Variants in ZNF609 observed in about 807,000 individuals in gnomAD.
ZNF609 encodes zinc finger protein 609.
ZNF609 carries 11 observed loss-of-function variants against 109.5 expected under a neutral mutation model. The observed-to-expected ratio is 0.10, with a 90% CI of 0.06 to 0.17. The LOEUF is 0.17. Ranked by LOEUF, ZNF609 falls within the 10% of genes least tolerant of loss-of-function variation. The pLI is 1.00. For synonymous variants in ZNF609, 646 were observed against 662.0 expected (o/e 0.98, Z 0.37); for missense variants, 1,559 against 1,772.4 (o/e 0.88, Z 2.16).
intron 3 of ZNF609, among the ~76,000 whole-genome samples, chr15:64,634,646 C>T (rs1236095553): frequency 1.3e-5 from 2 of 152,130 alleles, no homozygotes; most frequent in Non-Finnish European, 1.5e-5. Flanking sequence ...CAGTCTTGCC[C>T]CAGGCAGTAC....
chr15:64,564,524 A>G (rs927012940), intron 2 of ZNF609, among the ~76,000 whole-genome samples: 5 of 152,164 alleles, frequency 3.3e-5, no homozygotes, highest in African/African-American at 1.2e-4. Flanking sequence ...ACTTTATACA[A>G]CACTTGAAGT....
At chr15:64,655,649 A>G (rs1050008394) in intron 3 of ZNF609, among the ~76,000 whole-genome samples, 1 of 151,932 alleles carries the variant, frequency 6.6e-6, no homozygotes, top group African/African-American at 2.4e-5. Context: ...CAACATGGTG[A>G]AACCTCATCT....
intron 2 of ZNF609, among the ~76,000 whole-genome samples, chr15:64,544,478 T>C (rs1257240733): frequency 1.3e-5 from 2 of 152,258 alleles, no homozygotes; most frequent in East Asian, 3.8e-4. Flanking sequence ...AAGTTTTTGC[T>C]AAGCAGATTT....
At chr15:64,488,173 GA>G (rs1893358550) in intron 1 of ZNF609, among the ~76,000 whole-genome samples, 2 of 152,242 alleles carry the variant, frequency 1.3e-5, no homozygotes, top group Non-Finnish European at 2.9e-5. Flanking sequence ...GATTCTTAAT[GA>G]ATCTGAATTC....
Position 64,682,675 on chromosome 15 carries a change from A to AGGT in ZNF609, c.*990_*992dup, listed in dbSNP as rs893206167. On this transcript the variant is annotated 3_prime_UTR_variant, in exon 10 of 10. Transcript: ENST00000326648. ...AGCTTGGGGAACCTTGGAGTCTGCC[A>AGGT]GGTCACCTTAGGGCAAGGCCCAGAA... 42 of 152,722 alleles carry AGGT rather than the reference A, an allele frequency of 2.8e-4. No homozygotes were observed. Among genetic ancestry groups the AGGT allele is most frequent in the African/African-American group, 8.4e-4 (35 of 41,582 alleles). The allele number at this position is 152,722 out of a possible 1,614,324, so 9.5% of individuals were successfully genotyped here.
At chr15:64,658,452 C>T (rs902742079) in intron 3 of ZNF609, among the ~76,000 whole-genome samples, 1 of 152,138 alleles carries the variant, frequency 6.6e-6, no homozygotes, top group Non-Finnish European at 1.5e-5. Context: ...CCTCCTCAGC[C>T]TCCCAAAGTG....
chr15:64,680,548 C>A, intron 7 of ZNF609, 98 bp from the exon 8 acceptor site: 1 of 1,301,102 alleles, frequency 7.7e-7, no homozygotes, highest in South Asian at 1.4e-5. Flanking sequence ...AGGTGGCACC[C>A]TGGGCATCTC....
rs553709335 is a variant in ZNF609, at chr15:64,681,373, C to T, written c.4227C>T (p.Pro1409=). The change falls in exon 9 of 10, where the codon CCC becomes CCT. Residue 1409 remains proline, a synonymous_variant. Coordinates refer to ENST00000326648, the MANE Select transcript of ZNF609 (RefSeq NM_015042.2). ...CAACTCCCTCACTCTACCCACCCCC[C>T]AGGAGGTGAGAATGGTAAGTCACTT... The part of the protein sequence containing the change: ...QGSTPSLYPP[P]RR The T allele has an allele frequency of 2.9e-5, 47 of 1,613,974 alleles. No homozygotes were observed. In the South Asian group the frequency reaches 4.4e-4, roughly 15 times the overall value.
intron 4 of ZNF609, among the ~76,000 whole-genome samples, chr15:64,673,347 G>T (rs987815799): frequency 2.0e-5 from 3 of 152,196 alleles, no homozygotes; most frequent in African/African-American, 7.2e-5. Flanking sequence ...TAAGCTCCAT[G>T]AAAAGCTACT....
intron 2 of ZNF609, among the ~76,000 whole-genome samples, chr15:64,504,169 GA>G (rs1309981805): frequency 1.3e-5 from 2 of 152,196 alleles, no homozygotes; most frequent in Non-Finnish European, 2.9e-5. Context: ...ATTTATGTGG[GA>G]CAGAGTTGCA....
At chr15:64,551,512 C>T (rs762054390) in intron 2 of ZNF609, among the ~76,000 whole-genome samples, 2 of 151,896 alleles carry the variant, frequency 1.3e-5, no homozygotes, top group South Asian at 2.1e-4. Flanking sequence ...ATTAGCTGGG[C>T]GTGGTAGTGC....
At chr15:64,580,120 A>C (rs557781228) in intron 2 of ZNF609, among the ~76,000 whole-genome samples, 1 of 152,164 alleles carries the variant, frequency 6.6e-6, no homozygotes, top group South Asian at 2.1e-4. Flanking sequence ...TCAGAGTCAG[A>C]GAGAGATTTA....
At chr15:64,467,632 G>A (rs1893034472) in intron 1 of ZNF609, among the ~76,000 whole-genome samples, 1 of 152,218 alleles carries the variant, frequency 6.6e-6, no homozygotes, top group Admixed American at 6.5e-5. Context: ...GGATCATGAG[G>A]TCAAGAGATC....
At chr15:64,514,694 A>G (rs923159639) in intron 2 of ZNF609, among the ~76,000 whole-genome samples, 4 of 150,500 alleles carry the variant, frequency 2.7e-5, no homozygotes, top group African/African-American at 9.8e-5. Context: ...GCTAGAGTGC[A>G]GTGGCGCGAT....
chr15:64,616,211 C>T (rs1895795361), intron 2 of ZNF609, among the ~76,000 whole-genome samples: 1 of 151,864 alleles, frequency 6.6e-6, no homozygotes, highest in African/African-American at 2.4e-5. Context: ...CCAGGCTGGT[C>T]TAGAACTCCT....
At chr15:64,563,732 C>T (rs939237102) in intron 2 of ZNF609, among the ~76,000 whole-genome samples, 9 of 151,852 alleles carry the variant, frequency 5.9e-5, no homozygotes, top group Admixed American at 1.3e-4. Context: ...GCCAAGATCG[C>T]GCCATTGTTC....
At chr15:64,655,907 A>G (rs1896481627) in intron 3 of ZNF609, among the ~76,000 whole-genome samples, 1 of 152,182 alleles carries the variant, frequency 6.6e-6, no homozygotes. Flanking sequence ...GGGCAGGGGC[A>G]TGGAAATTGT....
Position 64,543,254 on chromosome 15 carries a change from G to C in ZNF609, c.747+43088G>C, listed in dbSNP as rs1490761258. Among the ~76,000 whole-genome samples, 8 of 113,854 alleles carry C rather than the reference G, an allele frequency of 7.0e-5. No individual in the cohort carries two copies. In the East Asian group the frequency reaches 1.2e-3, roughly 17 times the overall value. The allele number at this position is 113,854 out of a possible 152,430, so 74.7% of individuals were successfully genotyped here. On this transcript the variant is annotated intron_variant, in intron 2 of 9. Coordinates refer to ENST00000326648, the MANE Select transcript of ZNF609 (RefSeq NM_015042.2). ...CCATCCCAGTCTGTTTTTTGTTGTT[G>C]CTTTTTTTTTTTTTTTTTTTCTAAT...
intron 2 of ZNF609, chr15:64,529,619 A>T: frequency 9.2e-7 from 1 of 1,082,614 alleles, no homozygotes. Context: ...GTCATGGTGC[A>T]CCAGGCACCC....
Sources: gnomAD v4.1 joint callset for allele counts (sites outside exome capture counted in the v4.1 genomes callset) on GRCh38, gnomAD v4.1.1 for gene constraint, MANE v1.5 for transcripts, NCBI Gene and HGNC (gene_info 2026-07-23, HGNC 2026-07-21) for gene names.